The following PBRM1 variants were observed in gnomAD, a reference collection of about 807,000 sequenced individuals.
PBRM1 encodes protein polybromo-1.
A neutral mutation model predicts 194.5 loss-of-function variants in PBRM1; 27 were observed. The ratio of observed to expected loss-of-function variants is 0.14; its 90% CI spans 0.10 to 0.19. PBRM1 has a LOEUF of 0.19. Ranked by LOEUF, PBRM1 falls within the 10% of genes least tolerant of loss-of-function variation. The probability of loss-of-function intolerance (pLI) is 1.00; values close to 1 mark genes in which losing one functional copy is unlikely to be tolerated. For synonymous variants in PBRM1, 655 were observed against 693.2 expected, an observed-to-expected ratio of 0.94 and a Z score of 0.87; for missense variants, 1,466 against 2,077.2, an observed-to-expected ratio of 0.71 and a Z score of 5.72.
intron 22 of PBRM1, among the ~76,000 whole-genome samples, chr3:52,569,235 G>C (rs1224426748): frequency 8.7e-5 from 13 of 149,600 alleles, no homozygotes; most frequent in Non-Finnish European, 1.9e-4. Context: ...TTTTTAGATG[G>C]AGTCTTGCTC....
At chr3:52,598,883 G>A (rs1452042089) in intron 17 of PBRM1, among the ~76,000 whole-genome samples, 1 of 152,126 alleles carries the variant, frequency 6.6e-6, no homozygotes, top group Non-Finnish European at 1.5e-5. Context: ...TCAGCTGGGT[G>A]TGGTGGCGCA....
At chr3:52,562,293 C>T (rs1056431559) in intron 24 of PBRM1, among the ~76,000 whole-genome samples, 2 of 148,848 alleles carry the variant, frequency 1.3e-5, no homozygotes, top group Admixed American at 6.7e-5. Flanking sequence ...CGCCACTGCA[C>T]TCCAGCCTGG....
intron 20 of PBRM1, 119 bp from the exon 23 acceptor site, chr3:52,579,318 C>G: frequency 1.1e-6 from 1 of 888,622 alleles, no homozygotes; most frequent in South Asian, 1.6e-5. Context: ...CCATTGGTTA[C>G]GTGGCTCACG....
At chr3:52,678,396 T>C (rs1264035567) in intron 2 of PBRM1, 104 bp downstream of exon 3, 2 of 705,072 alleles carry the variant, frequency 2.8e-6, no homozygotes, top group Non-Finnish European at 5.0e-6. Context: ...CCCAGTATCA[T>C]TTAAGCCATT....
At chr3:52,566,598 T>C (rs1241936173) in intron 22 of PBRM1, among the ~76,000 whole-genome samples, 1 of 152,116 alleles carries the variant, frequency 6.6e-6, no homozygotes, top group African/African-American at 2.4e-5. Context: ...ATGCAGTATA[T>C]AGAACAGGCA....
intron 3 of PBRM1, among the ~76,000 whole-genome samples, chr3:52,662,820 G>C (rs1339650238): frequency 8.9e-6 from 1 of 111,836 alleles, no homozygotes; most frequent in African/African-American, 3.6e-5. Flanking sequence ...GCAAGACTCT[G>C]TCTTAAAAAA....
chr3:52,587,548 G>A, intron 18 of PBRM1, 38 bp from the exon 21 acceptor site: 1 of 1,223,694 alleles, frequency 8.2e-7, no homozygotes. Flanking sequence ...AAGAGAAAGA[G>A]AATCATTGTT....
At chr3:52,674,856 G>A (rs1407699933) in intron 2 of PBRM1, among the ~76,000 whole-genome samples, 1 of 151,100 alleles carries the variant, frequency 6.6e-6, no homozygotes, top group African/African-American at 2.4e-5. Context: ...ATATTAGCCA[G>A]GTATGGTAGC....
In PBRM1 at chr3:52,634,481, G is replaced by A. The variant is rs896230531; in HGVS notation, c.1301+121C>T. On this transcript the variant is annotated intron_variant, in intron 11 of 29. Transcript: ENST00000296302. ...AGGTAATGAACAGTTAAAATTTGAG[G>A]TTAAAAAAAAACACCATTTTTACCT... 29 of 644,416 alleles carry A rather than the reference G, an allele frequency of 4.5e-5. No individual in the cohort carries two copies. In the South Asian group the frequency reaches 6.3e-4, roughly 14 times the overall value. The allele number at this position is 644,416 out of a possible 1,614,324, so 39.9% of individuals were successfully genotyped here. A position where few individuals can be genotyped will look rare whatever the true frequency, so the allele number is the denominator to read the frequency against.
rs139677674 is a variant in PBRM1 at position 52,609,834 on chromosome 3, G to C, written c.2046C>G (p.Ala682=). 15 of 1,613,296 alleles carry C rather than the reference G, an allele frequency of 9.3e-6. No individual in the cohort carries two copies. In the African/African-American group the frequency reaches 1.9e-4, roughly 20 times the overall value. Residue 682 remains alanine, a synonymous_variant, in exon 16 of 30, where the codon GCC becomes GCG. Transcript: ENST00000296302. This position sits in a 1 kb window ranked among gnomAD's most constrained non-coding sequence, Gnocchi z 4.1. ...ATCTAGAGGGAAGCCTCAGAAATATGGCACTGAGGCGGCGACCCCTCTTAT... is the reference window on the plus strand; with the variant it reads ...ATCTAGAGGGAAGCCTCAGAAATATCGCACTGAGGCGGCGACCCCTCTTAT...
At chr3:52,548,654 G>A (rs953711881) in intron 29 of PBRM1, among the ~76,000 whole-genome samples, 4 of 152,170 alleles carry the variant, frequency 2.6e-5, no homozygotes, top group Non-Finnish European at 4.4e-5. Context: ...TTGAACTCCT[G>A]ACCTCAGGTG....
chr3:52,572,412 A>C (rs2087713009), intron 22 of PBRM1, among the ~76,000 whole-genome samples: 1 of 151,548 alleles, frequency 6.6e-6, no homozygotes, highest in Non-Finnish European at 1.5e-5. Context: ...TCACCCTGTC[A>C]CTCAGGCTGG....
intron 10 of PBRM1, 54 bp from the exon 12 acceptor site, chr3:52,634,869 C>A: frequency 8.1e-7 from 1 of 1,237,666 alleles, no homozygotes; most frequent in Non-Finnish European, 1.2e-6. Flanking sequence ...AAGAAAGAAC[C>A]ATACTTTAAA....
chr3:52,664,091 G>T (rs938613870), intron 3 of PBRM1, among the ~76,000 whole-genome samples: 2 of 150,814 alleles, frequency 1.3e-5, no homozygotes, highest in African/African-American at 4.9e-5. Context: ...GCACGGTGGC[G>T]CACACCTGTA....
chr3:52,665,359 T>C, intron 3 of PBRM1, among the ~76,000 whole-genome samples: 1 of 151,948 alleles, frequency 6.6e-6, no homozygotes, highest in African/African-American at 2.4e-5. Context: ...AGGTGGGGTC[T>C]TAGTACACTG....
intron 10 of PBRM1, among the ~76,000 whole-genome samples, chr3:52,638,756 C>T (rs1004500288): frequency 6.6e-5 from 10 of 151,462 alleles, no homozygotes; most frequent in African/African-American, 2.2e-4. Context: ...ACACCACGCC[C>T]GGCTAATTTT....
downstream of PBRM1, chr3:52,547,637 T>A (rs1006096378): frequency 3.5e-4 from 82 of 233,898 alleles, no homozygotes; most frequent in Non-Finnish European, 1.0e-4. Context: ...TTTAAACTAA[T>A]CTGTAAACTC....
exon 1 of PBRM1, chr3:52,685,766 T>A: frequency 4.7e-6 from 1 of 211,632 alleles, no homozygotes. Flanking sequence ...CTCCGCCGCC[T>A]GCAGCCCCGG....
chr3:52,603,718 A>G (rs2153349650), exon 17 of PBRM1: 2 of 1,607,150 alleles, frequency 1.2e-6, no homozygotes, highest in Non-Finnish European at 1.7e-6. Flanking sequence ...ATCTTCATAT[A>G]TTTCTGAATC....
Sources: gnomAD v4.1 joint callset for allele counts (sites outside exome capture counted in the v4.1 genomes callset) on GRCh38, gnomAD v4.1.1 for gene constraint, Gnocchi (gnomAD v3.1) non-coding constraint, MANE v1.5 for transcripts, NCBI Gene and HGNC (gene_info 2026-07-23, HGNC 2026-07-21) for gene names.